ZMYM5: variants seen among roughly 807,000 people sequenced by gnomAD.
The protein encoded by ZMYM5 is zinc finger MYM-type protein 5.
In ZMYM5, 41 loss-of-function variants were observed where a neutral mutation model predicts 61.8. The ratio of observed to expected loss-of-function variants is 0.66; its 90% confidence interval spans 0.52 to 0.86. The LOEUF (loss-of-function observed/expected upper bound fraction) is 0.86, where lower values mean the gene tolerates loss of function less well. ZMYM5 is among the 40% of genes least tolerant of loss of function. The pLI, the probability that ZMYM5 is intolerant of heterozygous loss-of-function variation, is 0.00. For synonymous variants in ZMYM5, 257 were observed against 276.4 expected (o/e 0.93, Z 0.70); for missense variants, 706 against 786.7 (o/e 0.90, Z 1.23).
At chr13:19,834,898 A>G (rs950138748) in intron 7 of ZMYM5, among the ~76,000 whole-genome samples, 3 of 151,822 alleles carry the variant, frequency 2.0e-5, no homozygotes, top group African/African-American at 4.8e-5. Context: ...CATGTTGCCC[A>G]GTCTGGTTTC....
chr13:19,835,326 A>G, intron 7 of ZMYM5, 151 bp downstream of exon 7: 2 of 537,118 alleles, frequency 3.7e-6, no homozygotes, highest in Non-Finnish European at 5.8e-6. Flanking sequence ...GCTTACAACA[A>G]TCTTAGACTT....
chr13:19,858,875 A>G (rs1304976691), intron 2 of ZMYM5, among the ~76,000 whole-genome samples: 1 of 152,196 alleles, frequency 6.6e-6, no homozygotes, highest in Non-Finnish European at 1.5e-5. Context: ...ATGCTAAGAA[A>G]AGAGGTTGAG....
At chr13:19,829,948 A>G (rs752788512) in intron 7 of ZMYM5, among the ~76,000 whole-genome samples, 2 of 151,916 alleles carry the variant, frequency 1.3e-5, no homozygotes, top group Non-Finnish European at 2.9e-5. Flanking sequence ...ACACCCATCC[A>G]CTTATCTTTA....
intron 7 of ZMYM5, among the ~76,000 whole-genome samples, chr13:19,826,138 T>C (rs1030802493): frequency 3.3e-5 from 5 of 150,160 alleles, no homozygotes; most frequent in Admixed American, 6.7e-5. Context: ...AAATGTAAAG[T>C]GGTGTAGCCA....
In ZMYM5 at chr13:19,838,812, C is replaced by T. The variant is rs1384450767; in HGVS notation, c.760G>A (p.Gly254Arg). ...CCTTTTCGTTGATAAGCTGTCTGTC[C>T]CTTCTGTAAAGGCTTTTTGCAATTT... ...CANCKKPLQK[G>R]QTAYQRKGSA... is the part of the protein sequence containing the mutation. Residue 254 changes from glycine (G) to arginine (R), a missense_variant, in exon 5 of 8, where the codon GGA becomes AGA. This residue lies in a region of ZMYM5 where 480 missense variants were observed against 461.7 expected (regional missense o/e 1.04). Transcript: ENST00000337963. 2 of 1,614,062 alleles carry T rather than the reference C, an allele frequency of 1.2e-6. No individual in the cohort carries two copies. The highest frequency in any genetic ancestry group is 1.1e-5 in the South Asian group (1 of 91,076).
intron 4 of ZMYM5, among the ~76,000 whole-genome samples, chr13:19,839,453 A>G (rs1007524699): frequency 1.3e-5 from 2 of 152,094 alleles, no homozygotes; most frequent in Non-Finnish European, 2.9e-5. Flanking sequence ...CAATGGCACA[A>G]TCTCGGTTCA....
chr13:19,851,368 AG>A lies in ZMYM5; in HGVS notation c.572del (p.Thr191IlefsTer97). Reference sequence around the variant, plus strand: ...CTTACTGCTTACCAGGACTATGATGAGTTGCAAATTCTCCATTCTGAAATAA... The same window carrying A: ...CTTACTGCTTACCAGGACTATGATGATTGCAAATTCTCCATTCTGAAATAA... ...GDLFQNGEFATHHSPDSWISQ... is the reference protein window; with the variant it reads ...GDLFQNGEFAXHHSPDSWISQ... On this transcript the variant is annotated frameshift_variant, in exon 4 of 8. Coordinates refer to ENST00000337963, the MANE Select transcript of ZMYM5 (RefSeq NM_001142684.2). LOFTEE classifies it high-confidence loss of function. 6.2e-7 allele frequency: 1 copy of A among 1,613,962 alleles called. No individual in the cohort carries two copies. Among genetic ancestry groups the A allele is most frequent in the Non-Finnish European group, 8.5e-7 (1 of 1,179,866 alleles).
At chr13:19,835,347 G>A in intron 7 of ZMYM5, 130 bp downstream of exon 7, 1 of 647,986 alleles carries the variant, frequency 1.5e-6, no homozygotes, top group Non-Finnish European at 2.3e-6. Context: ...GAATATTTGA[G>A]ATGGGACAAA....
rs371169172 is a variant in ZMYM5 at position 19,824,445 on chromosome 13, T to C, written c.*32A>G. 7.9e-7 allele frequency: 1 copy of C among 1,270,392 alleles called. No individual in the cohort carries two copies. The highest frequency in any genetic ancestry group is 1.0e-6 in the Non-Finnish European group (1 of 982,772). 78.7% of individuals were successfully genotyped at this position (1,270,392 alleles called of 1,614,324 possible). The stretch of plus-strand genomic sequence containing the variant: ...ATGTTTTCTGAGTAATGTAAGATTC[T>C]GATCATCATGCCAAAAAACAACTCA... On this transcript the variant is annotated 3_prime_UTR_variant, in exon 8 of 8. Coordinates refer to ENST00000337963, the MANE Select transcript of ZMYM5 (RefSeq NM_001142684.2).
chr13:19,834,123 C>T (rs1194203985), intron 7 of ZMYM5, among the ~76,000 whole-genome samples: 1 of 151,904 alleles, frequency 6.6e-6, no homozygotes, highest in Non-Finnish European at 1.5e-5. Context: ...ATTACAGGTG[C>T]CAGCCACCAT....
intron 4 of ZMYM5, among the ~76,000 whole-genome samples, chr13:19,844,752 G>A (rs186729025): frequency 1.1e-4 from 17 of 152,306 alleles, no homozygotes; most frequent in Admixed American, 1.1e-3. Flanking sequence ...CTCCTGAGCA[G>A]CTGGGATTAC....
chr13:19,841,073 C>T (rs1952861981), intron 4 of ZMYM5, among the ~76,000 whole-genome samples: 1 of 149,728 alleles, frequency 6.7e-6, no homozygotes, highest in African/African-American at 2.5e-5. Context: ...AAGGGATTCT[C>T]CTTGCCTCAG....
chr13:19,851,023 A>G (rs1296023754), intron 4 of ZMYM5, among the ~76,000 whole-genome samples: 3 of 152,190 alleles, frequency 2.0e-5, no homozygotes, highest in Non-Finnish European at 4.4e-5. Flanking sequence ...AGCTTGGTCA[A>G]CATGGTGAAA....
At chr13:19,829,462 GT>G (rs898420119) in intron 7 of ZMYM5, among the ~76,000 whole-genome samples, 2 of 151,868 alleles carry the variant, frequency 1.3e-5, no homozygotes, top group African/African-American at 2.4e-5. Context: ...TAATTTTTAA[GT>G]TTTTTTTGTA....
At chr13:19,857,446 T>C (rs1593920355) in intron 2 of ZMYM5, among the ~76,000 whole-genome samples, 1 of 152,182 alleles carries the variant, frequency 6.6e-6, no homozygotes, top group East Asian at 1.9e-4. Flanking sequence ...CAGTTGAGTA[T>C]ATAAGCACAC....
At chr13:19,840,672 C>T (rs1307351330) in intron 4 of ZMYM5, among the ~76,000 whole-genome samples, 2 of 152,042 alleles carry the variant, frequency 1.3e-5, no homozygotes, top group Admixed American at 6.6e-5. Flanking sequence ...CCACACCTGG[C>T]CACTTTTTTT....
intron 4 of ZMYM5, among the ~76,000 whole-genome samples, chr13:19,847,560 T>C (rs1276223217): frequency 1.3e-5 from 2 of 152,176 alleles, no homozygotes; most frequent in East Asian, 3.8e-4. Flanking sequence ...CTAAATTTCT[T>C]TGAAAATAGT....
chr13:19,830,299 A>G (rs943964309), intron 7 of ZMYM5, among the ~76,000 whole-genome samples: 2 of 152,138 alleles, frequency 1.3e-5, no homozygotes, highest in Non-Finnish European at 2.9e-5. Context: ...TTTGGGGTGG[A>G]GTGGGGAAGC....
At chr13:19,844,809 G>A (rs1355034142) in intron 4 of ZMYM5, among the ~76,000 whole-genome samples, 1 of 152,140 alleles carries the variant, frequency 6.6e-6, no homozygotes, top group African/African-American at 2.4e-5. Context: ...TTTTAGCAGA[G>A]ACGGGGTTTC....
Sources: gnomAD v4.1 joint callset for allele counts (sites outside exome capture counted in the v4.1 genomes callset) on GRCh38, gnomAD v4.1.1 for gene constraint, gnomAD v4.1.1 regional missense constraint, MANE v1.5 for transcripts, NCBI Gene and HGNC (gene_info 2026-07-23, HGNC 2026-07-21) for gene names.